Variants in CYP7B1 observed in about 807,000 individuals in gnomAD.
CYP7B1 encodes cytochrome P450 family 7 subfamily B member 1, also known as cytochrome P450 7B1.
A neutral mutation model predicts 42.7 loss-of-function variants in CYP7B1; 29 were observed. The ratio of observed to expected loss-of-function variants is 0.68; its 90% CI spans 0.51 to 0.93. CYP7B1 has a LOEUF of 0.93. CYP7B1 is among the 40% of genes least tolerant of loss of function. The pLI is 0.00. For missense variants in CYP7B1, 655 were observed against 600.5 expected, an observed-to-expected ratio of 1.09 and a Z score of -0.95; for synonymous variants, 235 against 218.2, an observed-to-expected ratio of 1.08 and a Z score of -0.68.
chr8:64,763,579 G>C (rs1369031813), intron 1 of CYP7B1, among the ~76,000 whole-genome samples: 1 of 152,246 alleles, frequency 6.6e-6, no homozygotes, highest in African/African-American at 2.4e-5. Context: ...CTGTTGGCCG[G>C]TTAAAAACAA....
At chr8:64,796,317 G>T (rs940343671) in intron 1 of CYP7B1, among the ~76,000 whole-genome samples, 1 of 152,048 alleles carries the variant, frequency 6.6e-6, no homozygotes, top group South Asian at 2.1e-4. Context: ...TATAGAAAAA[G>T]AACCCAATAG....
intron 4 of CYP7B1, among the ~76,000 whole-genome samples, chr8:64,610,911 C>A (rs558095262): frequency 4.9e-4 from 75 of 152,196 alleles, no homozygotes; most frequent in African/African-American, 1.8e-3. Context: ...ATTTCTGAAC[C>A]TCATTATTCA....
intron 1 of CYP7B1, among the ~76,000 whole-genome samples, chr8:64,656,659 C>G (rs1806125236): frequency 1.3e-5 from 2 of 152,148 alleles, no homozygotes. Context: ...GTCACACAAT[C>G]AAAGATAAAA....
chr8:64,669,231 A>G (rs1047968178), intron 1 of CYP7B1, among the ~76,000 whole-genome samples: 2 of 152,166 alleles, frequency 1.3e-5, no homozygotes, highest in African/African-American at 4.8e-5. Context: ...ATTGTTATAC[A>G]CTATTAGCAC....
intron 1 of CYP7B1, among the ~76,000 whole-genome samples, chr8:64,650,348 T>C (rs1280817180): frequency 6.6e-6 from 1 of 152,170 alleles, no homozygotes; most frequent in Non-Finnish European, 1.5e-5. Context: ...CAGTCATATA[T>C]AGAAATACTT....
At chr8:64,671,518 T>A (rs1806367546) in intron 1 of CYP7B1, among the ~76,000 whole-genome samples, 1 of 151,946 alleles carries the variant, frequency 6.6e-6, no homozygotes, top group Non-Finnish European at 1.5e-5. Flanking sequence ...TAATAAGGGG[T>A]GGGCCTCATG....
chr8:64,708,840 C>T (rs1807038314), intron 1 of CYP7B1, among the ~76,000 whole-genome samples: 1 of 152,120 alleles, frequency 6.6e-6, no homozygotes, highest in African/African-American at 2.4e-5. Flanking sequence ...GGCTTGAAGA[C>T]ATTTGTGTGT....
chr8:64,756,762 A>G (rs1273990105), intron 1 of CYP7B1, among the ~76,000 whole-genome samples: 2 of 152,224 alleles, frequency 1.3e-5, no homozygotes, highest in African/African-American at 4.8e-5. Context: ...TGAGACTCAG[A>G]GAAGTTGACA....
chr8:64,647,642 G>T (rs1260995580), intron 1 of CYP7B1, among the ~76,000 whole-genome samples: 2 of 152,166 alleles, frequency 1.3e-5, no homozygotes, highest in Admixed American at 6.5e-5. Context: ...GTAAATTCCA[G>T]TCCAGAAGCA....
chr8:64,739,785 G>C (rs1807542307), intron 1 of CYP7B1, among the ~76,000 whole-genome samples: 1 of 152,026 alleles, frequency 6.6e-6, no homozygotes, highest in African/African-American at 2.4e-5. Context: ...AAAACAAATA[G>C]ATTAGAGAAA....
intron 5 of CYP7B1, among the ~76,000 whole-genome samples, chr8:64,604,015 T>A (rs966065099): frequency 2.0e-5 from 3 of 152,190 alleles, no homozygotes; most frequent in Non-Finnish European, 2.9e-5. Context: ...TGCATGCAGG[T>A]GGTGAATCTC....
At chr8:64,697,603 C>T (rs980863768) in intron 1 of CYP7B1, among the ~76,000 whole-genome samples, 1 of 152,098 alleles carries the variant, frequency 6.6e-6, no homozygotes, top group African/African-American at 2.4e-5. Context: ...GAACTAATAG[C>T]GCATGGGGCT....
chr8:64,771,047 C>CTTTTTTTTT lies in CYP7B1; in HGVS notation c.122+27410_122+27418dup, dbSNP rs757503820. On this transcript the variant is annotated intron_variant, in intron 1 of 5. Transcript: ENST00000310193. ...AATCTCAAGAGTGGGATATCAGCAT[C>CTTTTTTTTT]TTTTTTTTTTTTTTTTTTTTTTTTT... Among the ~76,000 whole-genome samples, 97 of 42,504 alleles carry CTTTTTTTTT rather than the reference C, an allele frequency of 2.3e-3. 26 individuals are homozygous for CTTTTTTTTT. Among genetic ancestry groups the CTTTTTTTTT allele is most frequent in the African/African-American group, 3.4e-3 (41 of 12,022 alleles). 27.9% of individuals were successfully genotyped at this position (42,504 alleles called of 152,430 possible). A position where few individuals can be genotyped will look rare whatever the true frequency, so the allele number is the denominator to read the frequency against.
chr8:64,704,373 T>A (rs1806961447), intron 1 of CYP7B1, among the ~76,000 whole-genome samples: 1 of 152,106 alleles, frequency 6.6e-6, no homozygotes, highest in East Asian at 1.9e-4. Flanking sequence ...ATTCCACAGA[T>A]ATATCTTAAT....
intron 1 of CYP7B1, among the ~76,000 whole-genome samples, chr8:64,756,014 C>A (rs926400420): frequency 2.0e-5 from 3 of 152,140 alleles, no homozygotes; most frequent in Admixed American, 1.3e-4. Context: ...GTCTGCTGAG[C>A]CCTATTCTAA....
chr8:64,621,051 A>G (rs967791191), intron 2 of CYP7B1, among the ~76,000 whole-genome samples: 4 of 152,232 alleles, frequency 2.6e-5, no homozygotes, highest in African/African-American at 9.6e-5. Context: ...TAGAAACACC[A>G]GTGTTAATTA....
intron 2 of CYP7B1, among the ~76,000 whole-genome samples, chr8:64,619,990 T>C (rs925555100): frequency 2.6e-5 from 4 of 152,020 alleles, no homozygotes; most frequent in African/African-American, 9.7e-5. Context: ...AAGACCAACC[T>C]GGGCAACATA....
In CYP7B1 at chr8:64,604,811, G is replaced by C; in HGVS notation, c.1104C>G (p.Thr368=). ...TCAAATCCTCCTCAACAAAACGAAT[G>C]GTGGTTGAATATGAGGACAGTCGTA... ...EALRLSSYST[T]IRFVEEDLTL... is the part of the protein sequence containing the mutation. The change falls in exon 5 of 6, where the codon ACC becomes ACG. Residue 368 remains threonine (T), a synonymous_variant. Transcript: ENST00000310193. 8.1e-6 allele frequency: 13 copies of C among 1,614,152 alleles called. No individual in the cohort carries two copies. The highest frequency in any genetic ancestry group is 1.1e-5 in the Non-Finnish European group (13 of 1,180,032).
intron 1 of CYP7B1, among the ~76,000 whole-genome samples, chr8:64,674,807 G>A (rs963178992): frequency 2.6e-5 from 4 of 151,960 alleles, no homozygotes; most frequent in Admixed American, 2.6e-4. Flanking sequence ...ACAGAGAATG[G>A]AGCGTTTCAG....
Sources: gnomAD v4.1 joint callset for allele counts (sites outside exome capture counted in the v4.1 genomes callset) on GRCh38, gnomAD v4.1.1 for gene constraint, MANE v1.5 for transcripts, NCBI Gene and HGNC (gene_info 2026-07-23, HGNC 2026-07-21) for gene names.